NSUN6: variants seen among roughly 807,000 people sequenced by gnomAD.
NSUN6 encodes the protein tRNA (cytosine(72)-C(5))-methyltransferase NSUN6.
NSUN6 carries 64 observed loss-of-function variants against 58.0 expected under a neutral mutation model. The ratio of observed to expected loss-of-function variants is 1.10; its 90% CI spans 0.90 to 1.36. The LOEUF (loss-of-function observed/expected upper bound fraction) is 1.36. NSUN6 is among the 40% of genes most tolerant of loss of function. NSUN6 has a pLI of 0.00. For missense variants in NSUN6, 701 were observed against 550.1 expected (o/e 1.27, Z -2.74); for synonymous variants, 231 against 193.9 (o/e 1.19, Z -1.59).
intron 6 of NSUN6, among the ~76,000 whole-genome samples, chr10:18,600,840 A>C (rs989015574): frequency 6.7e-6 from 1 of 149,340 alleles, no homozygotes; most frequent in African/African-American, 2.5e-5. Context: ...AGGCATGAGA[A>C]TCTCTCAAAA....
At chr10:18,610,324 G>A (rs1409383653) in intron 5 of NSUN6, among the ~76,000 whole-genome samples, 3 of 152,008 alleles carry the variant, frequency 2.0e-5, no homozygotes, top group African/African-American at 7.2e-5. Context: ...CTCCAGCCTG[G>A]GCGTCAAGAG....
At chr10:18,585,157 C>CA in intron 8 of NSUN6, among the ~76,000 whole-genome samples, 1 of 152,156 alleles carries the variant, frequency 6.6e-6, no homozygotes, top group East Asian at 1.9e-4. Context: ...AACACACACA[C>CA]AAAAAATAAT....
At chr10:18,594,115 G>C (rs947022633) in intron 7 of NSUN6, among the ~76,000 whole-genome samples, 1 of 150,974 alleles carries the variant, frequency 6.6e-6, no homozygotes, top group Non-Finnish European at 1.5e-5. Flanking sequence ...CATGAGAATC[G>C]CTCAAACCCG....
chr10:18,627,221 A>G (rs545029322), intron 3 of NSUN6, among the ~76,000 whole-genome samples: 7 of 152,344 alleles, frequency 4.6e-5, no homozygotes, highest in African/African-American at 1.4e-4. Flanking sequence ...TCTCATTTCA[A>G]GTAAACTGAA....
upstream of NSUN6, among the ~76,000 whole-genome samples, chr10:18,657,159 T>C (rs2059786500): frequency 6.6e-6 from 1 of 152,158 alleles, no homozygotes; most frequent in South Asian, 2.1e-4. Context: ...TTCTAACAGA[T>C]CGATAGGTAC....
intron 3 of NSUN6, among the ~76,000 whole-genome samples, chr10:18,618,260 C>CT (rs1435454621): frequency 6.6e-6 from 1 of 152,196 alleles, no homozygotes; most frequent in Non-Finnish European, 1.5e-5. Flanking sequence ...CATGAATCTA[C>CT]TTTTACTTTT....
At chr10:18,546,670 G>T (rs2133369789) in intron 10 of NSUN6, among the ~76,000 whole-genome samples, 1 of 152,228 alleles carries the variant, frequency 6.6e-6, no homozygotes, top group East Asian at 1.9e-4. Context: ...CTGAGGTCAG[G>T]AGTTCAAGAC....
intron 8 of NSUN6, among the ~76,000 whole-genome samples, chr10:18,558,120 G>A (rs1564713753): frequency 6.6e-6 from 1 of 151,168 alleles, no homozygotes. Context: ...GAATGGACTG[G>A]AGAATGGAAT....
At chr10:18,579,222 G>C (rs1204695636) in intron 8 of NSUN6, among the ~76,000 whole-genome samples, 2 of 152,130 alleles carry the variant, frequency 1.3e-5, no homozygotes, top group Admixed American at 6.5e-5. Flanking sequence ...ACCCAGGCTG[G>C]AGTGCAGTGG....
At position 18,585,981 on chromosome 10, in the gene NSUN6, G is replaced by A. The variant is rs750107850; in HGVS notation, c.890C>T (p.Ala297Val). The change falls in exon 8 of 11, where the codon GCG becomes GTG. Residue 297 changes from alanine (A) to valine (V), a missense_variant. Ala to Val is a moderately conservative substitution (Grantham distance 64). Transcript: ENST00000377304. ...GTCCTCCACCATATCAAGTTTAACC[G>A]CCTTTGTTCCATCAAAACAAAATGC... ...IRAFCFDGTK[A>V]VKLDMVEDTE... The A allele has an allele frequency of 2.1e-5, 33 of 1,607,926 alleles. No homozygotes were observed. The highest frequency in any genetic ancestry group is 1.2e-4 in the Admixed American group (7 of 58,498).
chr10:18,650,308 AAT>A (rs2059666696), intron 1 of NSUN6, among the ~76,000 whole-genome samples: 2 of 152,244 alleles, frequency 1.3e-5, no homozygotes, highest in Non-Finnish European at 2.9e-5. Context: ...GGTAAAATGG[AAT>A]AGACAACAGG....
rs148619584 is a variant in NSUN6, at chr10:18,637,809, A to G, written c.311+4667T>C. Among the ~76,000 whole-genome samples the G allele has an allele frequency of 5.3e-3, 813 of 152,388 alleles. 1 individual carries two copies. The highest frequency in any genetic ancestry group is 8.9e-3 in the Non-Finnish European group (608 of 68,042). On this transcript the variant is annotated intron_variant, in intron 3 of 10. Transcript: ENST00000377304. ...ATTAGAAAGAATGAAATAGTGTTAT[A>G]TAATTGTGAGACGATATCCATTATA...
chr10:18,608,583 G>A (rs1290464354), intron 6 of NSUN6, among the ~76,000 whole-genome samples: 1 of 147,254 alleles, frequency 6.8e-6, no homozygotes, highest in Non-Finnish European at 1.5e-5. Context: ...AGGCTGCAGT[G>A]AGCCAAGATG....
intron 8 of NSUN6, among the ~76,000 whole-genome samples, chr10:18,584,849 C>T (rs187844127): frequency 1.4e-3 from 212 of 150,668 alleles, no homozygotes; most frequent in African/African-American, 4.9e-3. Context: ...TAATTAGGAA[C>T]AATGGAGCCC....
rs754482398 is a variant in NSUN6 at position 18,586,006 on chromosome 10, C to G, written c.865G>C (p.Ala289Pro). Residue 289 changes from alanine (A) to proline (P), a missense_variant, in exon 8 of 11, where the codon GCA becomes CCA. Ala to Pro is a conservative substitution (Grantham distance 27). Coordinates refer to ENST00000377304, the MANE Select transcript of NSUN6 (RefSeq NM_182543.5). The stretch of plus-strand genomic sequence containing the variant: ...GCCTTTGTTCCATCAAAACAAAATG[C>G]CCTGATGGAATTCAGCCCTAACAAT... The part of the protein sequence containing the change: ...ALLLGLNSIR[A>P]FCFDGTKAVK... 1.9e-6 allele frequency: 3 copies of G among 1,611,948 alleles called. No homozygotes were observed. In the African/African-American group the frequency reaches 4.0e-5, roughly 22 times the overall value.
At chr10:18,651,734 C>A, upstream of NSUN6, 1 of 985,618 alleles carries the variant, frequency 1.0e-6, no homozygotes, top group Non-Finnish European at 1.2e-6. Context: ...TACGCCACGC[C>A]CCCGGAGGTT....
intron 6 of NSUN6, among the ~76,000 whole-genome samples, chr10:18,600,941 A>AAAATATAT (rs1487679670): frequency 2.1e-4 from 9 of 43,538 alleles, no homozygotes; most frequent in South Asian, 7.8e-4. Flanking sequence ...AAAAAAAAAA[A>AAAATATAT]ATATATATAT....
intron 6 of NSUN6, among the ~76,000 whole-genome samples, chr10:18,609,019 T>A (rs928594803): frequency 2.0e-5 from 3 of 152,190 alleles, no homozygotes; most frequent in Non-Finnish European, 4.4e-5. Context: ...GGCTAAATAC[T>A]GGGCAAAGGC....
At chr10:18,618,143 G>C (rs911720179) in intron 3 of NSUN6, among the ~76,000 whole-genome samples, 4 of 152,060 alleles carry the variant, frequency 2.6e-5, no homozygotes, top group Non-Finnish European at 5.9e-5. Context: ...TCCTGATGTT[G>C]GACACATATC....
Sources: allele counts gnomAD v4.1 joint callset (sites outside exome capture counted in the v4.1 genomes callset), GRCh38; gene constraint gnomAD v4.1.1; transcripts MANE v1.5; gene names NCBI Gene and HGNC (gene_info 2026-07-23, HGNC 2026-07-21).